The following PTPRQ variants were observed in gnomAD, a reference collection of about 807,000 sequenced individuals.
PTPRQ encodes protein tyrosine phosphatase receptor type Q.
In PTPRQ, 199 loss-of-function variants were observed where a neutral mutation model predicts 246.0. The ratio of observed to expected loss-of-function variants is 0.81; its 90% confidence interval spans 0.72 to 0.91. The LOEUF (loss-of-function observed/expected upper bound fraction) is 0.91, where lower values mean the gene tolerates loss of function less well. Among genes scored for constraint, PTPRQ ranks in the 40% least tolerant of loss-of-function variants. The pLI is 0.00. For missense variants in PTPRQ, 2,624 were observed against 2,528.4 expected (o/e 1.04, Z -0.81); for synonymous variants, 869 against 853.2 (o/e 1.02, Z -0.32).
At chr12:80,520,779 G>T (rs1264079788) in intron 17 of PTPRQ, among the ~76,000 whole-genome samples, 22 of 151,972 alleles carry the variant, frequency 1.4e-4, no homozygotes, top group Admixed American at 1.1e-3. Flanking sequence ...ATTTGGGTTG[G>T]TTGCAAGTCT....
chr12:80,483,056 G>A (rs1368637848), intron 8 of PTPRQ, among the ~76,000 whole-genome samples: 1 of 121,026 alleles, frequency 8.3e-6, no homozygotes, highest in Non-Finnish European at 1.7e-5. Context: ...AAATCATGCT[G>A]CTATAAAGAC....
intron 14 of PTPRQ, among the ~76,000 whole-genome samples, chr12:80,498,046 T>C (rs1832886682): frequency 6.6e-6 from 1 of 152,014 alleles, no homozygotes; most frequent in South Asian, 2.1e-4. Flanking sequence ...TAGTTGAAAG[T>C]GCAGGAATAA....
rs140830165 is a variant in PTPRQ, at chr12:80,502,506, G to A, written c.2273-3518G>A. 8.2e-3 allele frequency among the ~76,000 whole-genome samples: 1,245 copies of A among 152,034 alleles called. 16 individuals carry two copies. Among genetic ancestry groups the A allele is most frequent in the African/African-American group, 0.029 (1,185 of 41,520 alleles). On this transcript the variant is annotated intron_variant, in intron 14 of 44. Coordinates refer to ENST00000644991, the MANE Select transcript of PTPRQ (RefSeq NM_001145026.2). ...CAGCCATTTTCAGCTATTACACTGG[G>A]CATGTGAAGCTAGCAGAGTTTTGTT...
intron 26 of PTPRQ, among the ~76,000 whole-genome samples, chr12:80,589,552 T>C (rs763313538): frequency 6.6e-6 from 1 of 152,382 alleles, no homozygotes; most frequent in East Asian, 1.9e-4. Flanking sequence ...TTAGTACTTA[T>C]AGATAGTGAA....
At chr12:80,669,237 G>T in intron 40 of PTPRQ, 96 bp downstream of exon 40, 2 of 1,527,018 alleles carry the variant, frequency 1.3e-6, no homozygotes, top group Non-Finnish European at 1.8e-6. Context: ...TCAATAACCT[G>T]GACATCTATA....
rs889588811 is a variant in PTPRQ at position 80,675,498 on chromosome 12, A to G, written c.6738+2194A>G. On this transcript the variant is annotated intron_variant, in intron 43 of 44. Coordinates refer to ENST00000644991, the MANE Select transcript of PTPRQ (RefSeq NM_001145026.2). ...CATGTCCCTAGGTGTACACATAGAC[A>G]CTGGGGATCAGTGCTCTCAATGAAA... 1.3e-5 allele frequency among the ~76,000 whole-genome samples: 2 copies of G among 152,326 alleles called. 1 individual carries two copies. The highest frequency in any genetic ancestry group is 4.1e-4 in the South Asian group (2 of 4,830).
intron 30 of PTPRQ, 111 bp from the exon 31 acceptor site, chr12:80,619,273 A>G (rs186072227): frequency 3.6e-5 from 44 of 1,229,894 alleles, no homozygotes; most frequent in East Asian, 3.4e-4. Flanking sequence ...TTTGTTATTT[A>G]TGTTTGTCAT....
intron 14 of PTPRQ, among the ~76,000 whole-genome samples, chr12:80,498,232 G>A (rs1894688156): frequency 6.6e-6 from 1 of 151,994 alleles, no homozygotes; most frequent in Admixed American, 6.6e-5. Context: ...GTGGATTAAG[G>A]AAATGAAACA....
At chr12:80,576,562 T>G (rs1897284269) in intron 25 of PTPRQ, among the ~76,000 whole-genome samples, 1 of 152,238 alleles carries the variant, frequency 6.6e-6, no homozygotes, top group African/African-American at 2.4e-5. Context: ...CGTCTGTTGA[T>G]TTGTTCACTG....
chr12:80,465,560 A>G (rs1217546014), intron 6 of PTPRQ: 5 of 152,260 alleles, frequency 3.3e-5, no homozygotes, highest in African/African-American at 1.2e-4. Flanking sequence ...CAAAAAAGAG[A>G]ATTTTAGACC....
At chr12:80,587,428 T>C (rs904465489) in intron 25 of PTPRQ, among the ~76,000 whole-genome samples, 3 of 152,170 alleles carry the variant, frequency 2.0e-5, no homozygotes, top group African/African-American at 4.8e-5. Flanking sequence ...ATAACATGTG[T>C]ATATTACTTG....
chr12:80,488,960 T>G (rs1407267068), intron 9 of PTPRQ, among the ~76,000 whole-genome samples: 1 of 152,054 alleles, frequency 6.6e-6, no homozygotes. Context: ...ATCTATAACA[T>G]TCCTAATAAA....
At chr12:80,515,956 A>AT (rs1895285306) in intron 17 of PTPRQ, among the ~76,000 whole-genome samples, 1 of 152,042 alleles carries the variant, frequency 6.6e-6, no homozygotes, top group Non-Finnish European at 1.5e-5. Flanking sequence ...TTTTAAAATG[A>AT]TTTTTCCTTC....
At chr12:80,568,558 A>G (rs1017082424) in intron 25 of PTPRQ, among the ~76,000 whole-genome samples, 1 of 152,192 alleles carries the variant, frequency 6.6e-6, no homozygotes, top group Non-Finnish European at 1.5e-5. Context: ...CTGCATATGT[A>G]AAGTTTCTTG....
Position 80,605,117 on chromosome 12 carries a change from C to G in PTPRQ, c.4668C>G (p.Ser1556Arg), listed in dbSNP as rs896502243. The change falls in exon 27 of 45, where the codon AGC becomes AGG. Residue 1556 changes from serine to arginine, a missense_variant. Transcript: ENST00000644991. The part of the protein sequence containing the change: ...HVVATSPFSI[S>R]ISWSEPAVIT... ...TAGCAACATCACCTTTTAGCATCAG[C>G]ATAAGCTGGAGTGAACCTGCTGTCA... 1 of 1,545,640 alleles carries G rather than the reference C, an allele frequency of 6.5e-7. No homozygotes were observed. The highest frequency in any genetic ancestry group is 8.7e-7 in the Non-Finnish European group (1 of 1,143,374).
rs777233958 is a variant in PTPRQ at position 80,494,933 on chromosome 12, T to C, written c.1541T>C (p.Val514Ala). The change falls in exon 11 of 45, where the codon GTA becomes GCA. Residue 514 changes from valine (V) to alanine (A), a missense_variant and splice_region_variant. Coordinates refer to ENST00000644991, the MANE Select transcript of PTPRQ (RefSeq NM_001145026.2). Reference protein sequence around the residue: ...NRAEDQTSPVVTTRNQYITDI... With the variant: ...NRAEDQTSPVATTRNQYITDI... ...TTCTCTTTTTACTGAATTCAAACAGTAACTACAAGGAATCAGTATATTACT... is the reference window on the plus strand; with the variant it reads ...TTCTCTTTTTACTGAATTCAAACAGCAACTACAAGGAATCAGTATATTACT... 1.5e-5 allele frequency: 23 copies of C among 1,527,780 alleles called. No individual in the cohort carries two copies. The South Asian group carries it at 2.0e-4, about 13-fold the overall frequency. 94.6% of individuals were successfully genotyped at this position (1,527,780 alleles called of 1,614,324 possible). A position where few individuals can be genotyped will look rare whatever the true frequency, so the allele number is the denominator to read the frequency against.
chr12:80,654,693 C>CAAAA (rs57224729), intron 38 of PTPRQ, among the ~76,000 whole-genome samples: 7,711 of 111,870 alleles, frequency 0.069, 287 homozygotes, highest in South Asian at 0.2. Flanking sequence ...ACTAAAAATC[C>CAAAA]AAAAAAAAAA....
At chr12:80,569,828 C>T (rs760322034) in intron 25 of PTPRQ, among the ~76,000 whole-genome samples, 30 of 151,288 alleles carry the variant, frequency 2.0e-4, no homozygotes, top group South Asian at 2.1e-4. Flanking sequence ...TGAGAACACA[C>T]GATATTTGGT....
At chr12:80,541,372 A>G (rs1227383839) in intron 20 of PTPRQ, among the ~76,000 whole-genome samples, 183 bp from the exon 21 acceptor site, 1 of 152,248 alleles carries the variant, frequency 6.6e-6, no homozygotes, top group African/African-American at 2.4e-5. Flanking sequence ...ATTTTGAATG[A>G]TTTTTAAAAT....
Sources: allele counts gnomAD v4.1 joint callset (sites outside exome capture counted in the v4.1 genomes callset), GRCh38; gene constraint gnomAD v4.1.1; transcripts MANE v1.5; gene names NCBI Gene and HGNC (gene_info 2026-07-23, HGNC 2026-07-21).